The following GATAD2B variants were observed in gnomAD, a reference collection of about 807,000 sequenced individuals.
GATAD2B encodes the protein transcriptional repressor p66-beta.
A neutral mutation model predicts 64.3 loss-of-function variants in GATAD2B; 8 were observed. That is an observed-to-expected ratio of 0.12 (90% confidence interval 0.07 to 0.22). The LOEUF is 0.22. Ranked by LOEUF, GATAD2B falls within the 10% of genes least tolerant of loss-of-function variation. The pLI, the probability that GATAD2B is intolerant of heterozygous loss-of-function variation, is 1.00. For missense variants in GATAD2B, 453 were observed against 752.0 expected (o/e 0.60, Z 4.65); for synonymous variants, 281 against 271.3 (o/e 1.04, Z -0.35).
chr1:153,887,903 A>G (rs1003811257), intron 1 of GATAD2B, among the ~76,000 whole-genome samples: 7 of 152,082 alleles, frequency 4.6e-5, no homozygotes, highest in Non-Finnish European at 1.0e-4. Context: ...CGTGGCCAAC[A>G]TGGTGAAACC....
chr1:153,875,628 G>A (rs1676799356), intron 1 of GATAD2B, among the ~76,000 whole-genome samples: 1 of 130,040 alleles, frequency 7.7e-6, no homozygotes, highest in South Asian at 2.7e-4. Flanking sequence ...AGCAGCTATA[G>A]TTTGCTGACT....
At position 153,810,067 on chromosome 1, in the gene GATAD2B, T is replaced by G. The variant is rs911658243; in HGVS notation, c.*110A>C. 1.9e-6 allele frequency: 2 copies of G among 1,073,062 alleles called. No homozygotes were observed. The highest frequency in any genetic ancestry group is 1.6e-5 in the African/African-American group (1 of 61,024). 66.5% of individuals were successfully genotyped at this position (1,073,062 alleles called of 1,614,324 possible). ...TGTCTTCTGTTTTTCTGTTTTGCTT[T>G]CCGTGTATGGTAGGCACCAGTACAG... On this transcript the variant is annotated 3_prime_UTR_variant, in exon 11 of 11. Transcript: ENST00000368655.
intron 1 of GATAD2B, among the ~76,000 whole-genome samples, chr1:153,855,839 C>T (rs1676066956): frequency 6.6e-6 from 1 of 152,056 alleles, no homozygotes; most frequent in Non-Finnish European, 1.5e-5. Context: ...CGCATCACCA[C>T]GCCCAGCTAA....
intron 1 of GATAD2B, among the ~76,000 whole-genome samples, chr1:153,862,043 A>G (rs1676314230): frequency 6.7e-6 from 1 of 149,672 alleles, no homozygotes; most frequent in Non-Finnish European, 1.5e-5. Flanking sequence ...CTAAAAGAGT[A>G]CCTGCTCAAG....
Position 153,919,687 on chromosome 1 carries a change from CAGG to C in GATAD2B, c.-2+3043_-2+3045del, listed in dbSNP as rs1678369915. Among the ~76,000 whole-genome samples, 3 of 152,328 alleles carry C rather than the reference CAGG, an allele frequency of 2.0e-5. No homozygotes were observed. The South Asian group carries it at 6.2e-4, about 32-fold the overall frequency. On this transcript the variant is annotated intron_variant, in intron 1 of 10. Transcript: ENST00000368655. ...ATCTTTTCCTAGGCTTAGCCAAAAG[CAGG>C]AGAACTGCAACTCTATGTGGTATTG...
intron 1 of GATAD2B, among the ~76,000 whole-genome samples, chr1:153,915,620 A>C (rs542463934): frequency 2.2e-4 from 34 of 152,026 alleles, no homozygotes; most frequent in Admixed American, 4.6e-4. Flanking sequence ...CTATAGACCC[A>C]GCTACTGAGG....
chr1:153,815,125 A>G (rs1270927907), intron 7 of GATAD2B, among the ~76,000 whole-genome samples: 2 of 147,342 alleles, frequency 1.4e-5, no homozygotes, highest in East Asian at 3.9e-4. Flanking sequence ...AACAAAGAAA[A>G]AAACTGGCAT....
chr1:153,849,334 A>G (rs953539271), intron 1 of GATAD2B, among the ~76,000 whole-genome samples: 1 of 152,220 alleles, frequency 6.6e-6, no homozygotes, highest in Non-Finnish European at 1.5e-5. Flanking sequence ...ATGAGGGTAA[A>G]GCCCTAACAA....
intron 1 of GATAD2B, among the ~76,000 whole-genome samples, chr1:153,887,995 G>C (rs1406915007): frequency 1.3e-5 from 2 of 151,774 alleles, no homozygotes; most frequent in Non-Finnish European, 2.9e-5. Context: ...GTTAAGGCAG[G>C]AGAATCACTT....
At chr1:153,905,581 AAGTC>A (rs1677900461) in intron 1 of GATAD2B, among the ~76,000 whole-genome samples, 1 of 150,900 alleles carries the variant, frequency 6.6e-6, no homozygotes, top group Non-Finnish European at 1.5e-5. Context: ...AAAAAGAACA[AAGTC>A]AGACGACTCA....
At chr1:153,812,463 C>T (rs1674323320) in intron 8 of GATAD2B, among the ~76,000 whole-genome samples, 1 of 152,142 alleles carries the variant, frequency 6.6e-6, no homozygotes, top group South Asian at 2.1e-4. Flanking sequence ...AAGCAGCTAA[C>T]TTGCTTCAAT....
At chr1:153,857,963 T>C (rs1676151037) in intron 1 of GATAD2B, among the ~76,000 whole-genome samples, 1 of 152,180 alleles carries the variant, frequency 6.6e-6, no homozygotes, top group Non-Finnish European at 1.5e-5. Context: ...TTGTAAGAAA[T>C]ACAAATAATT....
Position 153,817,461 on chromosome 1 carries a change from C to G in GATAD2B, c.811G>C (p.Ala271Pro). The part of the protein sequence containing the change: ...MSQRVIAPNP[A>P]QLQGQRGPPK... The stretch of plus-strand genomic sequence containing the variant: ...GGGCCCCGCTGACCCTGTAGCTGGG[C>G]TGGGTTTGGTGCAATAACACGTTGA... Residue 271 changes from alanine (A) to proline (P), a missense_variant, in exon 6 of 11, where the codon GCC becomes CCC. Around this residue, in one of 2 missense-constraint regions of GATAD2B, gnomAD observed 293 missense variants for 417.2 expected, o/e 0.70. Transcript: ENST00000368655. 1 of 1,613,422 alleles carries G rather than the reference C, an allele frequency of 6.2e-7. No individual in the cohort carries two copies. Among genetic ancestry groups the G allele is most frequent in the Non-Finnish European group, 8.5e-7 (1 of 1,179,834 alleles).
intron 1 of GATAD2B, among the ~76,000 whole-genome samples, chr1:153,832,010 T>C (rs1462266200): frequency 2.0e-5 from 3 of 151,978 alleles, no homozygotes; most frequent in Admixed American, 6.6e-5. Context: ...AGGTCAGGAG[T>C]TCGAGACCAG....
Position 153,870,920 on chromosome 1 carries a change from T to G in GATAD2B, c.-1-42572A>C, listed in dbSNP as rs191705113. 6.6e-5 allele frequency among the ~76,000 whole-genome samples: 10 copies of G among 152,312 alleles called. No homozygotes were observed. In the East Asian group the frequency reaches 1.9e-3, roughly 29 times the overall value. On this transcript the variant is annotated intron_variant, in intron 1 of 10. Coordinates refer to ENST00000368655, the MANE Select transcript of GATAD2B (RefSeq NM_020699.4). Reference sequence around the variant, plus strand: ...ACTGATACTAGAGAGAGGTTTTTTTTGTTTTTCCCCAAGACGGAGTCTTGC... The same window carrying G: ...ACTGATACTAGAGAGAGGTTTTTTTGGTTTTTCCCCAAGACGGAGTCTTGC...
At chr1:153,856,769 A>G (rs1452347587) in intron 1 of GATAD2B, among the ~76,000 whole-genome samples, 1 of 152,112 alleles carries the variant, frequency 6.6e-6, no homozygotes, top group African/African-American at 2.4e-5. Flanking sequence ...ACCAAAAAAA[A>G]GAAAGAAAGA....
In GATAD2B at chr1:153,816,554, G is replaced by A; in HGVS notation, c.935C>T (p.Thr312Ile). ...AAGGTTCATATAGATGGCAGAGGAT[G>A]TTGTACGCTGACATGGAACAGAAGA... is the stretch of plus-strand genomic sequence containing the variant. ...SSSSVPCQRTTSSAIYMNLAS... is the reference protein window; with the variant it reads ...SSSSVPCQRTISSAIYMNLAS... Residue 312 changes from threonine (T) to isoleucine (I), a missense_variant, in exon 7 of 11, where the codon ACA becomes ATA. Around this residue, in one of 2 missense-constraint regions of GATAD2B, gnomAD observed 293 missense variants for 417.2 expected, o/e 0.70. Coordinates refer to ENST00000368655, the MANE Select transcript of GATAD2B (RefSeq NM_020699.4). The surrounding 1 kb of genome is among the most constrained non-coding windows in gnomAD (Gnocchi z 4.9). 2 of 1,613,262 alleles carry A rather than the reference G, an allele frequency of 1.2e-6. No individual in the cohort carries two copies. Among genetic ancestry groups the A allele is most frequent in the Non-Finnish European group, 1.7e-6 (2 of 1,179,214 alleles).
chr1:153,919,153 C>T (rs1678355599), intron 1 of GATAD2B, among the ~76,000 whole-genome samples: 1 of 152,200 alleles, frequency 6.6e-6, no homozygotes, highest in Non-Finnish European at 1.5e-5. Context: ...CTGACCACTT[C>T]ATATCTCAAA....
At position 153,917,020 on chromosome 1, in the gene GATAD2B, C is replaced by A. The variant is rs567321947; in HGVS notation, c.-2+5713G>T. Among the ~76,000 whole-genome samples the A allele has an allele frequency of 5.3e-5, 8 of 149,872 alleles. No individual in the cohort carries two copies. The South Asian group carries it at 1.7e-3, about 32-fold the overall frequency. ...ATGGGGTTTCACCATTTTGGCCAGG[C>A]GGGTCTTGAACTCCTGACCTCGTGA... On this transcript the variant is annotated intron_variant, in intron 1 of 10. Transcript: ENST00000368655.
Sources: allele counts gnomAD v4.1 joint callset (sites outside exome capture counted in the v4.1 genomes callset), GRCh38; gene constraint gnomAD v4.1.1; regional missense constraint gnomAD v4.1.1; non-coding constraint Gnocchi (gnomAD v3.1); transcripts MANE v1.5; gene names NCBI Gene and HGNC (gene_info 2026-07-23, HGNC 2026-07-21).